PLXNA4: variants seen among roughly 807,000 people sequenced by gnomAD.
PLXNA4 encodes plexin-A4.
In PLXNA4, 44 loss-of-function variants were observed where a neutral mutation model predicts 191.8. That is an observed-to-expected ratio of 0.23 (90% confidence interval 0.18 to 0.29). The LOEUF (loss-of-function observed/expected upper bound fraction) is 0.29, where lower values mean the gene tolerates loss of function less well. Among genes scored for constraint, PLXNA4 ranks in the 10% least tolerant of loss-of-function variants. The pLI is 1.00. For missense variants in PLXNA4, 1,800 were observed against 2,488.8 expected (o/e 0.72, Z 5.89); for synonymous variants, 1,082 against 1,009.5 (o/e 1.07, Z -1.36).
chr7:132,280,418 C>A (rs1322789817), intron 4 of PLXNA4, among the ~76,000 whole-genome samples: 3 of 152,214 alleles, frequency 2.0e-5, no homozygotes, highest in African/African-American at 7.2e-5. Context: ...CCTACACTGA[C>A]AGATTCATAT....
intron 3 of PLXNA4, among the ~76,000 whole-genome samples, chr7:132,323,629 T>A (rs1424279143): frequency 6.6e-6 from 1 of 152,074 alleles, no homozygotes; most frequent in Non-Finnish European, 1.5e-5. Flanking sequence ...CTGACACGAC[T>A]CTCCCAGGCC....
In PLXNA4 at chr7:132,602,289, A is replaced by G. The variant is rs574406886; in HGVS notation, c.-87+43639T>C. Among the ~76,000 whole-genome samples, 16 of 152,328 alleles carry G rather than the reference A, an allele frequency of 1.1e-4. No individual in the cohort carries two copies. The East Asian group carries it at 2.7e-3, about 26-fold the overall frequency. ...CTCAAAGGGCTATTTCACCTCCTTC[A>G]TGAGTTGTCATTTGGAGTCCACTCT... On this transcript the variant is annotated intron_variant, in intron 2 of 4. Coordinates refer to the PLXNA4 transcript ENST00000378539.
intron 13 of PLXNA4, among the ~76,000 whole-genome samples, chr7:132,197,543 G>A (rs530558341): frequency 4.5e-4 from 68 of 152,244 alleles, no homozygotes; most frequent in African/African-American, 1.6e-3. Context: ...TTCTAGAAAG[G>A]TGTCAGAAAG....
intron 3 of PLXNA4, among the ~76,000 whole-genome samples, chr7:132,443,301 CTTT>C (rs1795766718): frequency 6.6e-6 from 1 of 152,228 alleles, no homozygotes; most frequent in East Asian, 1.9e-4. Flanking sequence ...TGTGGGGGAA[CTTT>C]CCCGGCTTCT....
At chr7:132,607,672 T>C (rs1802952583) in intron 2 of PLXNA4, among the ~76,000 whole-genome samples, 1 of 152,210 alleles carries the variant, frequency 6.6e-6, no homozygotes, top group Admixed American at 6.5e-5. Flanking sequence ...CAAATCACTT[T>C]CCTCACGTTA....
intron 5 of PLXNA4, among the ~76,000 whole-genome samples, chr7:132,240,613 T>C (rs1375528865): frequency 6.6e-6 from 1 of 152,204 alleles, no homozygotes; most frequent in Admixed American, 6.5e-5. Flanking sequence ...GTTAAGGAGA[T>C]GTGGAATCAC....
At chr7:132,635,966 T>C (rs1041129932) in intron 2 of PLXNA4, among the ~76,000 whole-genome samples, 1 of 152,098 alleles carries the variant, frequency 6.6e-6, no homozygotes, top group Non-Finnish European at 1.5e-5. Flanking sequence ...GGCTGGGGGA[T>C]GGAGGAGGCG....
chr7:132,435,064 C>G lies in PLXNA4; in HGVS notation c.1371+54228G>C, dbSNP rs139206593. Reference sequence around the variant, plus strand: ...GGACACTTGTTGGGGAGTCAGTCTGCGCTTCTGGCATCTGGACACATCAGC... The same window carrying G: ...GGACACTTGTTGGGGAGTCAGTCTGGGCTTCTGGCATCTGGACACATCAGC... On this transcript the variant is annotated intron_variant, in intron 3 of 31. Coordinates refer to ENST00000321063, the MANE Select transcript of PLXNA4 (RefSeq NM_020911.2). Among the ~76,000 whole-genome samples the G allele has an allele frequency of 7.2e-4, 110 of 152,218 alleles. 2 individuals carry two copies. The East Asian group carries it at 0.015, about 21-fold the overall frequency.
intron 3 of PLXNA4, among the ~76,000 whole-genome samples, chr7:132,303,874 C>A (rs1339079774): frequency 6.6e-6 from 1 of 152,138 alleles, no homozygotes; most frequent in African/African-American, 2.4e-5. Context: ...GTTCTAAGGC[C>A]TCTCTTTGTT....
chr7:132,159,620 C>T lies in PLXNA4; in HGVS notation c.4513G>A (p.Val1505Ile). 1 of 1,614,014 alleles carries T rather than the reference C, an allele frequency of 6.2e-7. No homozygotes were observed. The highest frequency in any genetic ancestry group is 2.2e-5 in the East Asian group (1 of 44,844). Residue 1505 changes from valine to isoleucine, a missense_variant, in exon 25 of 32, where the codon GTC becomes ATC. Around this residue, in one of 6 missense-constraint regions of PLXNA4, gnomAD observed 214 missense variants for 298.2 expected, o/e 0.72. Transcript: ENST00000321063. ...IDYKTLVLSCVSPDNANSPEV... is the reference protein window; with the variant it reads ...IDYKTLVLSCISPDNANSPEV... The stretch of plus-strand genomic sequence containing the variant: ...GGGCTGTTGGCATTGTCTGGGCTGA[C>T]ACAGCTCAGGACCTGAAGGAAAGGT...
intron 2 of PLXNA4, among the ~76,000 whole-genome samples, chr7:132,645,265 G>A (rs1257570396): frequency 6.6e-6 from 1 of 152,094 alleles, no homozygotes; most frequent in Non-Finnish European, 1.5e-5. Flanking sequence ...CTCACATATC[G>A]AGGGAGGAGC....
intron 2 of PLXNA4, among the ~76,000 whole-genome samples, chr7:132,605,097 CTCATT>C (rs1448705966): frequency 6.6e-6 from 1 of 152,210 alleles, no homozygotes; most frequent in African/African-American, 2.4e-5. Flanking sequence ...CAGGAATCAT[CTCATT>C]TAATTCTCAC....
chr7:132,639,626 C>T (rs1803676407), intron 2 of PLXNA4, among the ~76,000 whole-genome samples: 1 of 152,200 alleles, frequency 6.6e-6, no homozygotes, highest in Admixed American at 6.5e-5. Context: ...CGCCTCCCAC[C>T]CCTACCTGGT....
intron 3 of PLXNA4, among the ~76,000 whole-genome samples, chr7:132,375,887 A>C (rs1208044565): frequency 2.0e-5 from 3 of 152,178 alleles, no homozygotes; most frequent in Admixed American, 6.5e-5. Context: ...GGAATTTAGA[A>C]AGGAAAAAGG....
intron 4 of PLXNA4, among the ~76,000 whole-genome samples, chr7:132,273,207 T>C (rs573959085): frequency 1.3e-5 from 2 of 152,240 alleles, no homozygotes; most frequent in South Asian, 4.2e-4. Flanking sequence ...TTTCTGGAAT[T>C]GTTGAAAGTG....
At chr7:132,297,980 G>T in intron 4 of PLXNA4, 111 bp downstream of exon 4, 3 of 1,395,424 alleles carry the variant, frequency 2.1e-6, no homozygotes, top group Non-Finnish European at 3.0e-6. Flanking sequence ...TACATACTAC[G>T]CCAAATAAAT....
chr7:132,148,773 CTCCTGCGAA>C, intron 25 of PLXNA4, 127 bp from the exon 26 acceptor site: 3 of 1,403,248 alleles, frequency 2.1e-6, no homozygotes, highest in Non-Finnish European at 1.9e-6. Context: ...CTAGCACATG[CTCCTGCGAA>C]AATGGAGTGC....
At chr7:132,405,330 C>CAGCT (rs1380538946) in intron 3 of PLXNA4, among the ~76,000 whole-genome samples, 1 of 152,158 alleles carries the variant, frequency 6.6e-6, no homozygotes, top group East Asian at 1.9e-4. Context: ...GCTGTGCCTA[C>CAGCT]AGCTGCTCTT....
chr7:132,460,879 C>T (rs535595914), intron 3 of PLXNA4, among the ~76,000 whole-genome samples: 2 of 152,154 alleles, frequency 1.3e-5, no homozygotes, highest in Non-Finnish European at 2.9e-5. Flanking sequence ...CTGCACACAG[C>T]CTCTCTTTGT....
Sources: allele counts gnomAD v4.1 joint callset (sites outside exome capture counted in the v4.1 genomes callset), GRCh38; gene constraint gnomAD v4.1.1; regional missense constraint gnomAD v4.1.1; transcripts MANE v1.5; gene names NCBI Gene and HGNC (gene_info 2026-07-23, HGNC 2026-07-21).